ITGAE: variants seen among roughly 807,000 people sequenced by gnomAD.
The protein encoded by ITGAE is integrin alpha-E.
In ITGAE, 99 loss-of-function variants were observed where a neutral mutation model predicts 136.5. The observed-to-expected ratio is 0.73, with a 90% CI of 0.62 to 0.86. The LOEUF (loss-of-function observed/expected upper bound fraction) is 0.86. Among genes scored for constraint, ITGAE ranks in the 40% least tolerant of loss-of-function variants. The probability of loss-of-function intolerance (pLI) is 0.00; values close to 1 mark genes in which losing one functional copy is unlikely to be tolerated. For missense variants in ITGAE, 1,447 were observed against 1,515.3 expected (o/e 0.95, Z 0.75); for synonymous variants, 613 against 591.8 (o/e 1.04, Z -0.52).
rs1429673551 is a variant in ITGAE, at chr17:3,801,147, T to C, written c.-3A>G. 6.2e-7 allele frequency: 1 copy of C among 1,611,304 alleles called. No individual in the cohort carries two copies. The highest frequency in any genetic ancestry group is 1.3e-5 in the African/African-American group (1 of 74,942). ...AGCAGAGTGTGGAAGAGCCACATCC[T>C]TGCTGGAGCAGAGGCGGCTGTGTGG... On this transcript the variant is annotated 5_prime_UTR_variant, in exon 1 of 31. Coordinates refer to ENST00000263087, the MANE Select transcript of ITGAE (RefSeq NM_002208.5).
chr17:3,764,827 G>A (rs1336115819), intron 2 of ITGAE, among the ~76,000 whole-genome samples: 3 of 152,140 alleles, frequency 2.0e-5, no homozygotes, highest in African/African-American at 7.2e-5. Flanking sequence ...CCAGGGAGAC[G>A]GCAGATTCCA....
intron 2 of ITGAE, among the ~76,000 whole-genome samples, chr17:3,775,785 A>G (rs2052526201): frequency 6.6e-6 from 1 of 151,566 alleles, no homozygotes; most frequent in African/African-American, 2.4e-5. Context: ...ACATTTTTAT[A>G]TGTGTCTGAG....
rs544847807 is a variant in ITGAE, at chr17:3,738,464, C to T, written c.2522+1341G>A. The stretch of plus-strand genomic sequence containing the variant: ...GATTACAGGCATGAGCCACCGCGCC[C>T]GGCCTGGGGGGCATTCTAAGACCAC... On this transcript the variant is annotated intron_variant, in intron 20 of 30. Transcript: ENST00000263087. Among the ~76,000 whole-genome samples the T allele has an allele frequency of 2.6e-5, 4 of 152,286 alleles. No individual in the cohort carries two copies. The South Asian group carries it at 8.3e-4, about 32-fold the overall frequency.
intron 1 of ITGAE, among the ~76,000 whole-genome samples, chr17:3,783,374 C>G (rs1335409980): frequency 6.6e-6 from 1 of 152,094 alleles, no homozygotes; most frequent in African/African-American, 2.4e-5. Context: ...CTCGTCCTGA[C>G]CTCAAGAGAT....
At chr17:3,770,309 T>G (rs2052390648) in intron 2 of ITGAE, among the ~76,000 whole-genome samples, 2 of 151,636 alleles carry the variant, frequency 1.3e-5, no homozygotes, top group Admixed American at 1.3e-4. Context: ...TTGGTATCTT[T>G]AGTAGAGATG....
rs767480856 is a variant in ITGAE at position 3,734,859 on chromosome 17, G to A, written c.2613C>T (p.Ala871=). 8.1e-6 allele frequency: 13 copies of A among 1,614,060 alleles called. No homozygotes were observed. The highest frequency in any genetic ancestry group is 1.6e-4 in the Middle Eastern group (1 of 6,084). ...SGEDSYMTSM[A]LNYPRNLQLK... ...ACTGCAGGTTTCTGGGGTAATTCAAGGCCATGCTTGTCATGTAGGAATCTT... is the reference window on the plus strand; with the variant it reads ...ACTGCAGGTTTCTGGGGTAATTCAAAGCCATGCTTGTCATGTAGGAATCTT... Residue 871 remains alanine, a synonymous_variant, in exon 21 of 31, where the codon GCC becomes GCT. Transcript: ENST00000263087.
intron 30 of ITGAE, among the ~76,000 whole-genome samples, chr17:3,715,236 T>C (rs2050920253): frequency 6.6e-6 from 1 of 152,218 alleles, no homozygotes; most frequent in Non-Finnish European, 1.5e-5. Context: ...GTACTGGATC[T>C]AATCTTATTT....
rs554176987 is a variant in ITGAE, at chr17:3,729,245, T to C, written c.2912+233A>G. 7.5e-5 allele frequency: 37 copies of C among 494,520 alleles called. No individual in the cohort carries two copies. The South Asian group carries it at 7.7e-4, about 10-fold the overall frequency. The allele number at this position is 494,520 out of a possible 1,614,324, so 30.6% of individuals were successfully genotyped here. On this transcript the variant is annotated intron_variant, in intron 24 of 30. Transcript: ENST00000263087. ...TCCACAGCGTCATATTAATTCCCTT[T>C]TGTAGCACGACTAGTTGGCAATACA...
intron 1 of ITGAE, among the ~76,000 whole-genome samples, chr17:3,797,373 G>C (rs1384632369): frequency 5.3e-5 from 8 of 150,946 alleles, no homozygotes; most frequent in Non-Finnish European, 1.0e-4. Context: ...CACTGTGTTA[G>C]CCAGGATGGT....
chr17:3,740,065 G>A (rs1249213103), intron 19 of ITGAE, among the ~76,000 whole-genome samples, 187 bp from the exon 20 acceptor site: 2 of 152,208 alleles, frequency 1.3e-5, no homozygotes, highest in Admixed American at 6.5e-5. Flanking sequence ...ACATTCCTGG[G>A]TGACATTCCT....
Position 3,798,041 on chromosome 17 carries a change from C to T in ITGAE, c.34+3070G>A, listed in dbSNP as rs954171100. 5.3e-5 allele frequency among the ~76,000 whole-genome samples: 8 copies of T among 152,280 alleles called. No individual in the cohort carries two copies. The South Asian group carries it at 8.3e-4, about 16-fold the overall frequency. ...CGTGGGCCTCTCGGGACTGGATGCCCGCATTCCTCCACTTATACCACACCT... is the reference window on the plus strand; with the variant it reads ...CGTGGGCCTCTCGGGACTGGATGCCTGCATTCCTCCACTTATACCACACCT... On this transcript the variant is annotated intron_variant, in intron 1 of 30. Coordinates refer to ENST00000263087, the MANE Select transcript of ITGAE (RefSeq NM_002208.5). The surrounding 1 kb of genome is among the most constrained non-coding windows in gnomAD (Gnocchi z 4.3).
Position 3,769,406 on chromosome 17 carries a change from G to A in ITGAE, c.156-5446C>T, listed in dbSNP as rs991461159. ...CATCATGAACAGCTGTGCAGGGTGC[G>A]CACTGCAGATCCCAAGACTGCCATT... On this transcript the variant is annotated intron_variant, in intron 2 of 30. Coordinates refer to ENST00000263087, the MANE Select transcript of ITGAE (RefSeq NM_002208.5). Among the ~76,000 whole-genome samples, 6 of 151,800 alleles carry A rather than the reference G, an allele frequency of 4.0e-5. No individual in the cohort carries two copies. The South Asian group carries it at 8.3e-4, about 21-fold the overall frequency.
chr17:3,764,424 C>T (rs370486710), intron 2 of ITGAE, among the ~76,000 whole-genome samples: 5 of 152,198 alleles, frequency 3.3e-5, no homozygotes, highest in Non-Finnish European at 7.3e-5. Context: ...AGGCCGGGCG[C>T]GGCGGCTCAC....
At chr17:3,757,422 C>T (rs2143045224) in intron 9 of ITGAE, among the ~76,000 whole-genome samples, 1 of 152,272 alleles carries the variant, frequency 6.6e-6, no homozygotes, top group Non-Finnish European at 1.5e-5. Flanking sequence ...AGGCCAGCTA[C>T]TCCCATTTGT....
At chr17:3,757,635 C>T (rs930398263) in intron 9 of ITGAE, 71 bp downstream of exon 9, 13 of 1,540,188 alleles carry the variant, frequency 8.4e-6, no homozygotes, top group African/African-American at 8.2e-5. Flanking sequence ...AAGCCCCCAT[C>T]GACAACCCTG....
chr17:3,742,707 C>T (rs991228359), intron 19 of ITGAE, among the ~76,000 whole-genome samples: 6 of 152,098 alleles, frequency 3.9e-5, no homozygotes, highest in Admixed American at 1.3e-4. Flanking sequence ...TGCAATGGCA[C>T]GGCCTTGGCT....
chr17:3,758,341 GCTCAAGCAATC>G (rs2052080030), intron 8 of ITGAE, among the ~76,000 whole-genome samples: 3 of 152,120 alleles, frequency 2.0e-5, no homozygotes, highest in Non-Finnish European at 4.4e-5. Context: ...GAACTTCTGG[GCTCAAGCAATC>G]CTCCTGCCTC....
chr17:3,732,408 A>G lies in ITGAE; in HGVS notation c.2714T>C (p.Met905Thr), dbSNP rs553168352. 1.1e-5 allele frequency: 18 copies of G among 1,614,208 alleles called. No individual in the cohort carries two copies. The highest frequency in any genetic ancestry group is 1.1e-4 in the East Asian group (5 of 44,884). Residue 905 changes from methionine to threonine, a missense_variant, in exon 22 of 31, where the codon ATG (methionine) becomes ACG (threonine). Transcript: ENST00000263087. ...DPQPVASVLIMNCRIGHPVLK... is the reference protein window; with the variant it reads ...DPQPVASVLITNCRIGHPVLK... The stretch of plus-strand genomic sequence containing the variant: ...GACGGGGTGACCAATCCTGCAGTTC[A>G]TGATCAGGACAGAAGCAACCGGCTG...
intron 26 of ITGAE, chr17:3,726,166 G>C: frequency 6.2e-7 from 1 of 1,614,108 alleles, no homozygotes; most frequent in Non-Finnish European, 8.5e-7. Flanking sequence ...AATGTGCTCT[G>C]GTTACATTAC....
Sources: allele counts gnomAD v4.1 joint callset (sites outside exome capture counted in the v4.1 genomes callset), GRCh38; gene constraint gnomAD v4.1.1; non-coding constraint Gnocchi (gnomAD v3.1); transcripts MANE v1.5; gene names NCBI Gene and HGNC (gene_info 2026-07-23, HGNC 2026-07-21).